Variants in TRA2A observed in about 807,000 individuals in gnomAD.
TRA2A encodes transformer 2 alpha homolog, also known as transformer-2 protein homolog alpha.
A neutral mutation model predicts 45.7 loss-of-function variants in TRA2A; 31 were observed. The ratio of observed to expected loss-of-function variants is 0.68; its 90% confidence interval spans 0.51 to 0.92. The LOEUF is 0.92. Ranked by LOEUF, TRA2A falls within the 40% of genes least tolerant of loss-of-function variation. The pLI is 0.00. For synonymous variants in TRA2A, 132 were observed against 126.2 expected (o/e 1.05, Z -0.31); for missense variants, 304 against 367.5 (o/e 0.83, Z 1.41).
chr7:23,506,661 A>G (rs1221403603), intron 5 of TRA2A, among the ~76,000 whole-genome samples: 1 of 152,244 alleles, frequency 6.6e-6, no homozygotes, highest in Non-Finnish European at 1.5e-5. Context: ...CTAAAAGGCA[A>G]TAAACACCAA....
chr7:23,521,536 C>G (rs763359306), intron 2 of TRA2A, among the ~76,000 whole-genome samples, 171 bp downstream of exon 2: 1 of 152,164 alleles, frequency 6.6e-6, no homozygotes, highest in Non-Finnish European at 1.5e-5. Context: ...TGGGCTCAAG[C>G]CATACTTCCA....
In TRA2A at chr7:23,531,899, G is replaced by T. The variant is rs1790604161; in HGVS notation, c.-75C>A. 6.5e-7 allele frequency: 1 copy of T among 1,531,636 alleles called. No individual in the cohort carries two copies. The highest frequency in any genetic ancestry group is 9.0e-7 in the Non-Finnish European group (1 of 1,111,118). 94.9% of individuals were successfully genotyped at this position (1,531,636 alleles called of 1,614,324 possible). ...GGGCCGATGGCCTAATTAACCCGCT[G>T]ACTGGACCGTGGGGAAGAGGAAAGA... On this transcript the variant is annotated 5_prime_UTR_variant, in exon 1 of 8. Transcript: ENST00000297071.
chr7:23,511,370 C>CAAAAAAAAAAAAAAAAAAAAAAAAA (rs567187750), intron 4 of TRA2A, among the ~76,000 whole-genome samples: 1 of 40,116 alleles, frequency 2.5e-5, no homozygotes, highest in Non-Finnish European at 4.6e-5. Context: ...GACTCCATCT[C>CAAAAAAAAAAAAAAAAAAAAAAAAA]AAAAAAAAAA....
chr7:23,522,591 A>T (rs1790179891), intron 1 of TRA2A, among the ~76,000 whole-genome samples: 1 of 151,750 alleles, frequency 6.6e-6, no homozygotes, highest in South Asian at 2.1e-4. Context: ...TATAGTCTTT[A>T]AAATTGTTCA....
At chr7:23,517,554 A>G (rs1451111707) in intron 2 of TRA2A, among the ~76,000 whole-genome samples, 2 of 148,888 alleles carry the variant, frequency 1.3e-5, no homozygotes, top group Non-Finnish European at 3.0e-5. Flanking sequence ...AGTCTAGCCC[A>G]GGCAACATAG....
chr7:23,506,064 G>A, intron 6 of TRA2A, 74 bp downstream of exon 6: 1 of 1,301,724 alleles, frequency 7.7e-7, no homozygotes, highest in Non-Finnish European at 1.1e-6. Flanking sequence ...TTATTCATAT[G>A]TATCCAACAT....
In TRA2A at chr7:23,507,523, C is replaced by G; in HGVS notation, c.538G>C (p.Ala180Pro). The change falls in exon 5 of 8, where the codon GCA becomes CCA. Residue 180 changes from alanine (A) to proline (P), a missense_variant. By Grantham distance (27) the Ala-to-Pro change is conservative. Coordinates refer to ENST00000297071, the MANE Select transcript of TRA2A (RefSeq NM_013293.5). ...IDDSKEAMERANGMELDGRRI... is the reference protein window; with the variant it reads ...IDDSKEAMERPNGMELDGRRI... Reference sequence around the variant, plus strand: ...CTACCATCCAGCTCCATTCCATTTGCCCTTTCCATAGCCTATAAAGAACAG... The same window carrying G: ...CTACCATCCAGCTCCATTCCATTTGGCCTTTCCATAGCCTATAAAGAACAG... 6.2e-7 allele frequency: 1 copy of G among 1,613,872 alleles called. No homozygotes were observed.
At chr7:23,514,884 G>A (rs1789787365) in intron 3 of TRA2A, among the ~76,000 whole-genome samples, 1 of 152,226 alleles carries the variant, frequency 6.6e-6, no homozygotes, top group African/African-American at 2.4e-5. Context: ...TTAGTATCCT[G>A]TGGGAGAAGC....
chr7:23,515,907 G>T (rs777075229), intron 3 of TRA2A, among the ~76,000 whole-genome samples: 1 of 151,234 alleles, frequency 6.6e-6, no homozygotes. Flanking sequence ...AGGCATGGTA[G>T]CTCACGCCTG....
At position 23,505,323 on chromosome 7, in the gene TRA2A, G is replaced by A; in HGVS notation, c.*236C>T. 1 of 400,692 alleles carries A rather than the reference G, an allele frequency of 2.5e-6. No homozygotes were observed. Among genetic ancestry groups the A allele is most frequent in the Non-Finnish European group, 4.4e-6 (1 of 225,262 alleles). The allele number at this position is 400,692 out of a possible 1,614,324, so 24.8% of individuals were successfully genotyped here. On this transcript the variant is annotated 3_prime_UTR_variant, in exon 8 of 8. Coordinates refer to ENST00000297071, the MANE Select transcript of TRA2A (RefSeq NM_013293.5). ...TTACAAAGCATAACATAACATTGGGGTTCTTTTTATACTCAAGATGTTTAA... is the reference window on the plus strand; with the variant it reads ...TTACAAAGCATAACATAACATTGGGATTCTTTTTATACTCAAGATGTTTAA...
intron 4 of TRA2A, among the ~76,000 whole-genome samples, chr7:23,509,518 G>A (rs978473719): frequency 1.8e-4 from 27 of 151,976 alleles, no homozygotes; most frequent in African/African-American, 6.5e-4. Context: ...GGGGGATCAT[G>A]AGGTATCAAG....
intron 5 of TRA2A, among the ~76,000 whole-genome samples, chr7:23,506,721 T>C (rs899562148): frequency 6.6e-6 from 1 of 152,220 alleles, no homozygotes; most frequent in Non-Finnish European, 1.5e-5. Flanking sequence ...GGAATGACTA[T>C]ATTCCTTCTT....
chr7:23,529,591 C>T (rs1042578135), intron 1 of TRA2A, among the ~76,000 whole-genome samples: 3 of 152,288 alleles, frequency 2.0e-5, no homozygotes, highest in Non-Finnish European at 4.4e-5. Flanking sequence ...CATCTCCAGA[C>T]AAGCTTCTCG....
chr7:23,527,724 T>G (rs1357845412), intron 1 of TRA2A, among the ~76,000 whole-genome samples: 1 of 152,182 alleles, frequency 6.6e-6, no homozygotes, highest in Non-Finnish European at 1.5e-5. Context: ...GATCTCAAGG[T>G]TCTATATTCC....
intron 2 of TRA2A, among the ~76,000 whole-genome samples, chr7:23,518,396 C>G (rs1456359790): frequency 6.6e-6 from 1 of 152,026 alleles, no homozygotes; most frequent in Non-Finnish European, 1.5e-5. Flanking sequence ...GGCTGGAGTG[C>G]AATGGCACAA....
intron 2 of TRA2A, among the ~76,000 whole-genome samples, chr7:23,520,709 AAAAG>A (rs1790097452): frequency 1.4e-5 from 2 of 145,908 alleles, no homozygotes; most frequent in African/African-American, 2.6e-5. Flanking sequence ...TTTTTTTTTA[AAAAG>A]AAAGAGTCTC....
At chr7:23,507,655 A>C (rs1476583621) in intron 4 of TRA2A, 120 bp from the exon 5 acceptor site, 1 of 729,722 alleles carries the variant, frequency 1.4e-6, no homozygotes, top group Non-Finnish European at 2.4e-6. Context: ...AAATGACAGC[A>C]ATGTAGCTTG....
intron 5 of TRA2A, 74 bp from the exon 6 acceptor site, chr7:23,506,340 G>T: frequency 1.4e-6 from 2 of 1,393,084 alleles, no homozygotes; most frequent in Non-Finnish European, 1.9e-6. Context: ...AAATTGAATG[G>T]CTTAAAAAAG....
rs1789258851 is a variant in TRA2A, at chr7:23,505,230, T to G, written c.*329A>C. 3.7e-6 allele frequency: 1 copy of G among 267,010 alleles called. No individual in the cohort carries two copies. The highest frequency in any genetic ancestry group is 1.6e-4 in the South Asian group (1 of 6,356). 16.5% of individuals were successfully genotyped at this position (267,010 alleles called of 1,614,324 possible). A position where few individuals can be genotyped will look rare whatever the true frequency, so the allele number is the denominator to read the frequency against. On this transcript the variant is annotated 3_prime_UTR_variant, in exon 8 of 8. Transcript: ENST00000297071. ...ACAGTATCTAACACAAAAGAAGCTTTAAAAAGACAGTTTCTTTCCTTATTT... is the reference window on the plus strand; with the variant it reads ...ACAGTATCTAACACAAAAGAAGCTTGAAAAAGACAGTTTCTTTCCTTATTT...
Sources: allele counts gnomAD v4.1 joint callset (sites outside exome capture counted in the v4.1 genomes callset), GRCh38; gene constraint gnomAD v4.1.1; transcripts MANE v1.5; gene names NCBI Gene and HGNC (gene_info 2026-07-23, HGNC 2026-07-21).